B4GALT5: variants seen among roughly 807,000 people sequenced by gnomAD.
B4GALT5 encodes beta-1,4-galactosyltransferase 5.
Under a neutral mutation model 45.0 loss-of-function variants are expected in B4GALT5, and 11 were observed. The ratio of observed to expected loss-of-function variants is 0.24; its 90% CI spans 0.15 to 0.40. B4GALT5 has a LOEUF of 0.40. Among genes scored for constraint, B4GALT5 ranks in the 10% least tolerant of loss-of-function variants. B4GALT5 has a pLI of 1.00. For missense variants in B4GALT5, 337 were observed against 500.2 expected (o/e 0.67, Z 3.11); for synonymous variants, 185 against 182.9 (o/e 1.01, Z -0.09).
At chr20:49,650,878 T>TG (rs2085619686) in intron 2 of B4GALT5, among the ~76,000 whole-genome samples, 1 of 152,168 alleles carries the variant, frequency 6.6e-6, no homozygotes, top group Admixed American at 6.5e-5. Flanking sequence ...AGGAAAATGC[T>TG]GAGAGAAAAA....
At chr20:49,657,443 C>T (rs2085648122) in intron 1 of B4GALT5, among the ~76,000 whole-genome samples, 1 of 152,160 alleles carries the variant, frequency 6.6e-6, no homozygotes, top group Admixed American at 6.5e-5. Context: ...CTCTATGATA[C>T]AAAACTAGAA....
At chr20:49,651,588 CAA>C (rs879724969) in intron 2 of B4GALT5, among the ~76,000 whole-genome samples, 1 of 135,006 alleles carries the variant, frequency 7.4e-6, no homozygotes, top group Non-Finnish European at 1.6e-5. Context: ...GACTCCGTCT[CAA>C]AAAAAAAAAA....
At chr20:49,645,179 C>G (rs1328106055) in intron 3 of B4GALT5, among the ~76,000 whole-genome samples, 3 of 152,080 alleles carry the variant, frequency 2.0e-5, no homozygotes, top group Non-Finnish European at 4.4e-5. Context: ...TGGAGACCAG[C>G]CTGGGCAACA....
In B4GALT5 at chr20:49,713,742, C is replaced by T. The variant is rs1487557834; in HGVS notation, c.-52G>A. 7.6e-6 allele frequency: 5 copies of T among 661,606 alleles called. No homozygotes were observed. The highest frequency in any genetic ancestry group is 1.0e-5 in the Non-Finnish European group (5 of 482,166). The allele number at this position is 661,606 out of a possible 1,614,324, so 41.0% of individuals were successfully genotyped here. On this transcript the variant is annotated 5_prime_UTR_variant, in exon 1 of 9. Coordinates refer to ENST00000371711, the MANE Select transcript of B4GALT5 (RefSeq NM_004776.4). ...CCAGGCCGGGCCTGCTCCCGCAGCT[C>T]CCCGTCCGCCGCCTCCTGGGCCGCC...
chr20:49,710,617 A>ATTTTTAG (rs2085904959), intron 1 of B4GALT5, among the ~76,000 whole-genome samples: 1 of 151,900 alleles, frequency 6.6e-6, no homozygotes, highest in South Asian at 2.1e-4. Flanking sequence ...ACAGGGTTTC[A>ATTTTTAG]CCATCTTGGA....
chr20:49,710,082 C>T (rs7260788), intron 1 of B4GALT5, among the ~76,000 whole-genome samples: 1,972 of 152,300 alleles, frequency 0.013, 36 homozygotes, highest in African/African-American at 0.045. Flanking sequence ...ATGGACAATT[C>T]ATAACATTTA....
At chr20:49,645,469 C>T (rs1306928916) in intron 3 of B4GALT5, among the ~76,000 whole-genome samples, 2 of 152,186 alleles carry the variant, frequency 1.3e-5, no homozygotes, top group Non-Finnish European at 2.9e-5. Flanking sequence ...TATCACAAGG[C>T]TGGGAGCAGT....
chr20:49,701,585 G>A (rs865990183), intron 1 of B4GALT5, among the ~76,000 whole-genome samples: 2 of 152,126 alleles, frequency 1.3e-5, no homozygotes, highest in Admixed American at 6.5e-5. Context: ...TGTTGTGGAC[G>A]AGGAAGGCAC....
At chr20:49,703,730 A>AAAAAAAAAATTAAT (rs1555814916) in intron 1 of B4GALT5, among the ~76,000 whole-genome samples, 1 of 144,550 alleles carries the variant, frequency 6.9e-6, no homozygotes, top group Non-Finnish European at 1.5e-5. Context: ...TTCTACTAAA[A>AAAAAAAAAATTAAT]AAAAAAAAAA....
In B4GALT5 at chr20:49,637,772, T is replaced by TA. The variant is rs200578529; in HGVS notation, c.918-331dup. ...AAAATGGTGAAACCCCATCTCTACT[T>TA]AAAAAAAAAAAAAAAAATTAGCCAG... On this transcript the variant is annotated intron_variant, in intron 7 of 8. Coordinates refer to ENST00000371711, the MANE Select transcript of B4GALT5 (RefSeq NM_004776.4). Among the ~76,000 whole-genome samples the TA allele has an allele frequency of 5.4e-3, 725 of 134,054 alleles. 3 individuals carry two copies. Among genetic ancestry groups the TA allele is most frequent in the Admixed American group, 0.027 (355 of 13,340 alleles). The allele number at this position is 134,054 out of a possible 152,430, so 87.9% of individuals were successfully genotyped here. A position where few individuals can be genotyped will look rare whatever the true frequency, so the allele number is the denominator to read the frequency against.
At chr20:49,675,950 A>C (rs970356689) in intron 1 of B4GALT5, among the ~76,000 whole-genome samples, 3 of 152,098 alleles carry the variant, frequency 2.0e-5, no homozygotes, top group Non-Finnish European at 4.4e-5. Flanking sequence ...GCTACACTAA[A>C]ATATACCTAA....
chr20:49,644,341 C>T (rs6122803), intron 3 of B4GALT5, among the ~76,000 whole-genome samples: 2,444 of 152,214 alleles, frequency 0.016, 39 homozygotes, highest in East Asian at 0.083. Context: ...CCACCTTGGC[C>T]TCCCAAAGTG....
intron 1 of B4GALT5, among the ~76,000 whole-genome samples, chr20:49,698,650 C>A (rs1175469561): frequency 6.6e-6 from 1 of 152,188 alleles, no homozygotes; most frequent in Non-Finnish European, 1.5e-5. Context: ...ATGAAGGATT[C>A]CAGTTGCCCC....
chr20:49,659,333 C>T (rs2085655902), intron 1 of B4GALT5, among the ~76,000 whole-genome samples: 1 of 152,174 alleles, frequency 6.6e-6, no homozygotes, highest in African/African-American at 2.4e-5. Context: ...CGTGCAAATC[C>T]CATTAATCCT....
intron 1 of B4GALT5, among the ~76,000 whole-genome samples, chr20:49,660,522 ATGT>A (rs2085660926): frequency 6.6e-6 from 1 of 152,246 alleles, no homozygotes; most frequent in Admixed American, 6.5e-5. Flanking sequence ...TCTTTGCTGA[ATGT>A]TGTTGGTAAA....
At chr20:49,663,691 AT>A (rs1341310473) in intron 1 of B4GALT5, among the ~76,000 whole-genome samples, 4,399 of 85,696 alleles carry the variant, frequency 0.051, 543 homozygotes, top group Non-Finnish European at 0.063. Context: ...AAAAAAAAAA[AT>A]ATATACATAT....
chr20:49,663,166 C>A (rs2085672098), intron 1 of B4GALT5, among the ~76,000 whole-genome samples: 2 of 152,174 alleles, frequency 1.3e-5, no homozygotes, highest in East Asian at 1.9e-4. Context: ...CACAGCTAAT[C>A]TACAACATAA....
Position 49,713,803 on chromosome 20 carries a change from G to T in B4GALT5, c.-113C>A, listed in dbSNP as rs2085933149. 5.8e-6 allele frequency: 1 copy of T among 171,052 alleles called. No homozygotes were observed. The highest frequency in any genetic ancestry group is 2.4e-5 in the African/African-American group (1 of 41,182). 10.6% of individuals were successfully genotyped at this position (171,052 alleles called of 1,614,324 possible). A position where few individuals can be genotyped will look rare whatever the true frequency, so the allele number is the denominator to read the frequency against. On this transcript the variant is annotated 5_prime_UTR_variant, in exon 1 of 9. Transcript: ENST00000371711. ...CCTGGGCCTCGGCCACCGCCTCCCG[G>T]GCCTCGCGGGCCGCCACTCGCCGCC...
At chr20:49,644,407 G>A (rs889090733) in intron 3 of B4GALT5, among the ~76,000 whole-genome samples, 5 of 152,156 alleles carry the variant, frequency 3.3e-5, no homozygotes, top group African/African-American at 1.2e-4. Flanking sequence ...TTTCTGAGAA[G>A]AAGGAGAAAA....
Sources: gnomAD v4.1 joint callset for allele counts (sites outside exome capture counted in the v4.1 genomes callset) on GRCh38, gnomAD v4.1.1 for gene constraint, MANE v1.5 for transcripts, NCBI Gene and HGNC (gene_info 2026-07-23, HGNC 2026-07-21) for gene names.